PIEZO2: variants seen among roughly 807,000 people sequenced by gnomAD.
PIEZO2 encodes the protein piezo type mechanosensitive ion channel component 2.
In PIEZO2, 172 loss-of-function variants were observed where a neutral mutation model predicts 337.3. That is an observed-to-expected ratio of 0.51 (90% CI 0.45 to 0.58). The LOEUF is 0.58. PIEZO2 is among the 20% of genes least tolerant of loss of function. The probability of loss-of-function intolerance (pLI) is 0.00; values close to 1 mark genes in which losing one functional copy is unlikely to be tolerated. For missense variants in PIEZO2, 3,028 were observed against 3,391.3 expected (o/e 0.89, Z 2.66); for synonymous variants, 1,251 against 1,228.5 (o/e 1.02, Z -0.38).
chr18:10,791,628 C>A (rs553747369), intron 13 of PIEZO2: 1 of 207,754 alleles, frequency 4.8e-6, no homozygotes, highest in Non-Finnish European at 9.8e-6. Flanking sequence ...GGTGGTCTTC[C>A]TTGAGGTGCT....
chr18:10,680,712 T>C (rs966683206), intron 51 of PIEZO2, among the ~76,000 whole-genome samples: 1 of 152,186 alleles, frequency 6.6e-6, no homozygotes, highest in African/African-American at 2.4e-5. Flanking sequence ...AACGTCTCTG[T>C]CATGAGAGAG....
chr18:10,730,247 C>CT (rs1215756528), intron 36 of PIEZO2, among the ~76,000 whole-genome samples: 1 of 152,218 alleles, frequency 6.6e-6, no homozygotes, highest in Non-Finnish European at 1.5e-5. Flanking sequence ...TATCTTCCTA[C>CT]TAGCTCCCAA....
intron 4 of PIEZO2, among the ~76,000 whole-genome samples, chr18:10,889,068 T>C (rs1329542258): frequency 3.3e-5 from 5 of 152,160 alleles, no homozygotes; most frequent in African/African-American, 1.2e-4. Flanking sequence ...AAAAGGCAGT[T>C]TATTGATTCT....
Position 10,872,251 on chromosome 18 carries a change from G to T in PIEZO2, c.330-836C>A, listed in dbSNP as rs1430940034. ...CTTAGATAATTTTCACACATATAGG[G>T]CATTTTTGTTATAATTGAGATCCTG... is the stretch of plus-strand genomic sequence containing the variant. On this transcript the variant is annotated intron_variant, in intron 4 of 55. Coordinates refer to ENST00000674853, the MANE Select transcript of PIEZO2 (RefSeq NM_001378183.1). This position sits in a 1 kb window ranked among gnomAD's most constrained non-coding sequence, Gnocchi z 4.3. Among the ~76,000 whole-genome samples, 4 of 152,100 alleles carry T rather than the reference G, an allele frequency of 2.6e-5. No individual in the cohort carries two copies. In the East Asian group the frequency reaches 7.7e-4, roughly 29 times the overall value.
In PIEZO2 at chr18:10,759,485, C is replaced by A. The variant is rs139073574; in HGVS notation, c.3754G>T (p.Val1252Phe). 6.5e-7 allele frequency: 1 copy of A among 1,536,252 alleles called. No individual in the cohort carries two copies. Among genetic ancestry groups the A allele is most frequent in the Non-Finnish European group, 8.7e-7 (1 of 1,146,436 alleles). Reference protein sequence around the residue: ...FIVRPNPVFLVYDFMLLLCAS... With the variant: ...FIVRPNPVFLFYDFMLLLCAS... ...GCCCTGCAGTGGAAACACTTACAGA[C>A]GAGAAACACAGGGTTGGGCCGCACA... The change falls in exon 26 of 56, where the codon GTC (valine) becomes TTC (phenylalanine). Residue 1252 changes from valine (V) to phenylalanine (F), a missense_variant. Around this residue, in one of 5 missense-constraint regions of PIEZO2, gnomAD observed 1,925 missense variants for 2,051.9 expected, o/e 0.94. Coordinates refer to ENST00000674853, the MANE Select transcript of PIEZO2 (RefSeq NM_001378183.1). The surrounding 1 kb of genome is among the most constrained non-coding windows in gnomAD (Gnocchi z 5.5).
At position 10,719,217 on chromosome 18, in the gene PIEZO2, T is replaced by C. The variant is rs146705216; in HGVS notation, c.5030-958A>G. Reference sequence around the variant, plus strand: ...AAATTTAAGAACATTTAAAAATATATTTAGGAGAGATAAGTGCAGATTCCT... The same window carrying C: ...AAATTTAAGAACATTTAAAAATATACTTAGGAGAGATAAGTGCAGATTCCT... On this transcript the variant is annotated intron_variant, in intron 36 of 55. Coordinates refer to ENST00000674853, the MANE Select transcript of PIEZO2 (RefSeq NM_001378183.1). Among the ~76,000 whole-genome samples, 522 of 152,232 alleles carry C rather than the reference T, an allele frequency of 3.4e-3. 5 individuals carry two copies. The highest frequency in any genetic ancestry group is 0.012 in the African/African-American group (499 of 41,540).
At chr18:11,052,990 G>A (rs549329394) in intron 2 of PIEZO2, among the ~76,000 whole-genome samples, 2 of 152,262 alleles carry the variant, frequency 1.3e-5, no homozygotes, top group African/African-American at 4.8e-5. Context: ...GTCGTCAAGG[G>A]CATGAGTCAG....
At chr18:11,022,847 AGTTCTTAAAGGCGGTGT>A (rs1188691493) in intron 2 of PIEZO2, among the ~76,000 whole-genome samples, 1 of 152,154 alleles carries the variant, frequency 6.6e-6, no homozygotes, top group Non-Finnish European at 1.5e-5. Flanking sequence ...TGAGTGTTAC[AGTTCTTAAAGGCGGTGT>A]GTCCGGAGTT....
At chr18:10,706,778 G>A (rs1044626179) in intron 40 of PIEZO2, among the ~76,000 whole-genome samples, 6 of 152,156 alleles carry the variant, frequency 3.9e-5, no homozygotes, top group Non-Finnish European at 7.4e-5. Context: ...ACGGGAGAGG[G>A]GCAAAACCCA....
At chr18:10,679,342 C>A (rs901390656) in intron 52 of PIEZO2, among the ~76,000 whole-genome samples, 1 of 152,134 alleles carries the variant, frequency 6.6e-6, no homozygotes, top group African/African-American at 2.4e-5. Context: ...TTCTCTCTAC[C>A]CTCTCTTTCT....
chr18:11,005,703 T>C (rs1033500235), intron 2 of PIEZO2, among the ~76,000 whole-genome samples: 1 of 152,248 alleles, frequency 6.6e-6, no homozygotes, highest in Non-Finnish European at 1.5e-5. Flanking sequence ...GTTATCTTCT[T>C]GTTTTTCCCA....
rs1412130651 is a variant in PIEZO2, at chr18:11,101,977, C to CA, written c.65-35756dup. 6.6e-6 allele frequency among the ~76,000 whole-genome samples: 1 copy of CA among 151,956 alleles called. No homozygotes were observed. The highest frequency in any genetic ancestry group is 1.5e-5 in the Non-Finnish European group (1 of 67,978). ...CCTCTGACTGTATATTCTGATGGAC[C>CA]AAAAAACATAAAAGGTGATTGTGTG... is the stretch of plus-strand genomic sequence containing the variant. On this transcript the variant is annotated intron_variant, in intron 1 of 55. Transcript: ENST00000674853. The surrounding 1 kb of genome is among the most constrained non-coding windows in gnomAD (Gnocchi z 4.4).
In PIEZO2 at chr18:10,719,007, A is replaced by AATT. The variant is rs1567981833; in HGVS notation, c.5030-749_5030-748insAAT. On this transcript the variant is annotated intron_variant, in intron 36 of 55. Coordinates refer to ENST00000674853, the MANE Select transcript of PIEZO2 (RefSeq NM_001378183.1). ...TAAATAAATAAATAAATAAATAAAT[A>AATT]AATAAATAAATAAATAAATTTGCTA... is the stretch of plus-strand genomic sequence containing the variant. Among the ~76,000 whole-genome samples, 627 of 146,644 alleles carry AATT rather than the reference A, an allele frequency of 4.3e-3. 3 individuals carry two copies. Among genetic ancestry groups the AATT allele is most frequent in the African/African-American group, 0.016 (595 of 36,888 alleles).
chr18:10,860,272 G>T (rs1344185786), intron 5 of PIEZO2, among the ~76,000 whole-genome samples: 1 of 152,124 alleles, frequency 6.6e-6, no homozygotes, highest in East Asian at 1.9e-4. Flanking sequence ...AGGTGCTGCT[G>T]CCCCTAAGAC....
chr18:10,890,332 GTGCCATGAAAT>G (rs2042719201), intron 4 of PIEZO2: 1 of 152,326 alleles, frequency 6.6e-6, no homozygotes, highest in Middle Eastern at 3.4e-3. Context: ...GAGTCTGCAA[GTGCCATGAAAT>G]ATAGCATTTG....
rs746228502 is a variant in PIEZO2, at chr18:10,704,672, G to A, written c.6000-20C>T. 1.3e-6 allele frequency: 2 copies of A among 1,528,640 alleles called. No individual in the cohort carries two copies. The highest frequency in any genetic ancestry group is 1.2e-5 in the South Asian group (1 of 83,682). 94.7% of individuals were successfully genotyped at this position (1,528,640 alleles called of 1,614,324 possible). A position where few individuals can be genotyped will look rare whatever the true frequency, so the allele number is the denominator to read the frequency against. On this transcript the variant is annotated intron_variant, in intron 41 of 55. Coordinates refer to ENST00000674853, the MANE Select transcript of PIEZO2 (RefSeq NM_001378183.1). ...AACATCCTGTTAAAGCAAACCACAT[G>A]ATAATATGTCTATTTTTTTTCTTCT...
chr18:11,143,458 C>T lies in PIEZO2; in HGVS notation c.64+5067G>A, dbSNP rs563265351. 6.6e-5 allele frequency among the ~76,000 whole-genome samples: 10 copies of T among 152,042 alleles called. No individual in the cohort carries two copies. The East Asian group carries it at 1.7e-3, about 26-fold the overall frequency. Reference sequence around the variant, plus strand: ...AATGGTGCTGAAAAACAAAAGCAAACGTTAACAGTATTGATCTAGTGAGAA... The same window carrying T: ...AATGGTGCTGAAAAACAAAAGCAAATGTTAACAGTATTGATCTAGTGAGAA... On this transcript the variant is annotated intron_variant, in intron 1 of 55. Transcript: ENST00000674853. The surrounding 1 kb of genome is among the most constrained non-coding windows in gnomAD (Gnocchi z 4.9).
At chr18:10,817,920 C>CAAA (rs34222546) in intron 7 of PIEZO2, among the ~76,000 whole-genome samples, 914 of 64,204 alleles carry the variant, frequency 0.014, 6 homozygotes, top group African/African-American at 0.042. Context: ...AAGACTCTGT[C>CAAA]AAAAAAAAAA....
intron 2 of PIEZO2, among the ~76,000 whole-genome samples, chr18:11,043,705 T>G (rs908289576): frequency 6.6e-6 from 1 of 152,160 alleles, no homozygotes; most frequent in Non-Finnish European, 1.5e-5. Context: ...CTGATTTTTT[T>G]TTTTCTTGAG....
Sources: gnomAD v4.1 joint callset for allele counts (sites outside exome capture counted in the v4.1 genomes callset) on GRCh38, gnomAD v4.1.1 for gene constraint, gnomAD v4.1.1 regional missense constraint, Gnocchi (gnomAD v3.1) non-coding constraint, MANE v1.5 for transcripts, NCBI Gene and HGNC (gene_info 2026-07-23, HGNC 2026-07-21) for gene names.